Variants in CCDC9 observed in about 807,000 individuals in gnomAD.
CCDC9 encodes coiled-coil domain containing 9.
Under a neutral mutation model 65.6 loss-of-function variants are expected in CCDC9, and 52 were observed. The ratio of observed to expected loss-of-function variants is 0.79; its 90% confidence interval spans 0.63 to 1.00. The LOEUF (loss-of-function observed/expected upper bound fraction) is 1.00. Ranked by LOEUF, CCDC9 falls within the 50% of genes least tolerant of loss-of-function variation. CCDC9 has a pLI of 0.00. For missense variants in CCDC9, 834 were observed against 757.2 expected (o/e 1.10, Z -1.19); for synonymous variants, 332 against 280.3 (o/e 1.18, Z -1.84).
At chr19:47,265,194 A>G (rs1022475381) in intron 7 of CCDC9, among the ~76,000 whole-genome samples, 1 of 152,066 alleles carries the variant, frequency 6.6e-6, no homozygotes. Flanking sequence ...AGCTGGGATT[A>G]CAGGCAAGTG....
chr19:47,268,921 AAAT>A (rs200348472), intron 8 of CCDC9, among the ~76,000 whole-genome samples: 9 of 150,852 alleles, frequency 6.0e-5, no homozygotes, highest in South Asian at 2.1e-4. Context: ...CCGTTTCAAA[AAAT>A]AATAATAATA....
chr19:47,258,286 T>C (rs2302985), intron 1 of CCDC9, 44 bp from the exon 2 acceptor site: 518,365 of 1,070,006 alleles, frequency 0.48, 131,374 homozygotes, highest in African/African-American at 0.69. Context: ...TGAAGTAGGT[T>C]GGGGGGCCAT....
At position 47,266,549 on chromosome 19, in the gene CCDC9, G is replaced by A. The variant is rs563523153; in HGVS notation, c.721-62G>A. 23 of 1,446,132 alleles carry A rather than the reference G, an allele frequency of 1.6e-5. No homozygotes were observed. In the African/African-American group the frequency reaches 2.6e-4, roughly 16 times the overall value. The allele number at this position is 1,446,132 out of a possible 1,614,324, so 89.6% of individuals were successfully genotyped here. A position where few individuals can be genotyped will look rare whatever the true frequency, so the allele number is the denominator to read the frequency against. ...GATCCTGAGCAAGTGGATGTGCCTC[G>A]GGGCTTAGGGGCGGGGTAGGGTGCG... On this transcript the variant is annotated intron_variant, in intron 7 of 11. Transcript: ENST00000221922.
At chr19:47,274,305 A>G (rs1321614660), downstream of CCDC9, 1 of 122,700 alleles carries the variant, frequency 8.1e-6, no homozygotes, top group Non-Finnish European at 1.7e-5. Context: ...AGGCGGAGTT[A>G]GAGCGGGGGG....
downstream of CCDC9, among the ~76,000 whole-genome samples, chr19:47,272,761 G>C (rs1304674241): frequency 3.9e-5 from 6 of 152,170 alleles, no homozygotes; most frequent in South Asian, 2.1e-4. Context: ...GTTCCGAGGT[G>C]CAACCTAGTG....
At chr19:47,260,111 G>T (rs1480345763) in intron 3 of CCDC9, among the ~76,000 whole-genome samples, 1 of 152,194 alleles carries the variant, frequency 6.6e-6, no homozygotes, top group Non-Finnish European at 1.5e-5. Context: ...CACAGGCTGT[G>T]GGGAAGGCTG....
intron 5 of CCDC9, among the ~76,000 whole-genome samples, chr19:47,262,938 T>C (rs2059055373): frequency 6.6e-6 from 1 of 151,742 alleles, no homozygotes; most frequent in Non-Finnish European, 1.5e-5. Context: ...TTTTAAAAAT[T>C]AACTGGACGT....
downstream of CCDC9, among the ~76,000 whole-genome samples, chr19:47,274,250 C>T (rs2059141994): frequency 1.3e-5 from 2 of 150,490 alleles, no homozygotes; most frequent in African/African-American, 4.9e-5. Context: ...AGGCGGGTCC[C>T]GCGGGGGCGG....
At chr19:47,261,977 C>T (rs1157833073) in intron 5 of CCDC9, among the ~76,000 whole-genome samples, 13 of 151,060 alleles carry the variant, frequency 8.6e-5, no homozygotes, top group Non-Finnish European at 1.6e-4. Context: ...GCCGAGATTG[C>T]GCCATTGTAC....
chr19:47,271,251 C>G, intron 11 of CCDC9, 23 bp from the exon 12 acceptor site: 1 of 1,610,750 alleles, frequency 6.2e-7, no homozygotes, highest in African/African-American at 1.3e-5. Context: ...GTGCCTTGCC[C>G]TGACTTGCCT....
At position 47,271,101 on chromosome 19, in the gene CCDC9, G is replaced by A; in HGVS notation, c.1105G>A (p.Glu369Lys). The stretch of plus-strand genomic sequence containing the variant: ...CTCTAGTGACCATGATGACCGCTGG[G>A]AGACAAAAGAAGGGGCAGCATCCCC... ...RAYSDHDDRWETKEGAASPAP... is the reference protein window; with the variant it reads ...RAYSDHDDRWKTKEGAASPAP... Residue 369 changes from glutamate to lysine, a missense_variant, in exon 11 of 12, where the codon GAG becomes AAG. Physicochemically the swap from Glu to Lys is moderately conservative, Grantham distance 56. Coordinates refer to ENST00000221922, the MANE Select transcript of CCDC9 (RefSeq NM_015603.3). 1 of 1,559,926 alleles carries A rather than the reference G, an allele frequency of 6.4e-7. No individual in the cohort carries two copies. Among genetic ancestry groups the A allele is most frequent in the Non-Finnish European group, 8.7e-7 (1 of 1,153,672 alleles).
In CCDC9 at chr19:47,271,903, C is replaced by T; in HGVS notation, c.*225C>T. 1 of 1,314,702 alleles carries T rather than the reference C, an allele frequency of 7.6e-7. No homozygotes were observed. The highest frequency in any genetic ancestry group is 9.7e-7 in the Non-Finnish European group (1 of 1,034,476). The allele number at this position is 1,314,702 out of a possible 1,614,324, so 81.4% of individuals were successfully genotyped here. ...TCTCTGGAATGTCCACTCCCAGAGC[C>T]TGCCCCAGCCCTTCGAGCCCCCTCC... On this transcript the variant is annotated 3_prime_UTR_variant, in exon 12 of 12. Transcript: ENST00000221922.
chr19:47,274,887 G>C (rs2059146685), downstream of CCDC9: 1 of 1,252,654 alleles, frequency 8.0e-7, no homozygotes, highest in Non-Finnish European at 9.9e-7. Context: ...GGGCCTGTGC[G>C]GTCTGCGGCG....
At chr19:47,257,666 G>A (rs1217754913) in intron 1 of CCDC9, 1 of 153,174 alleles carries the variant, frequency 6.5e-6, no homozygotes, top group Non-Finnish European at 1.5e-5. Flanking sequence ...TGAGTTCTGG[G>A]CCTGTGTACA....
chr19:47,266,094 C>A (rs2059080733), intron 7 of CCDC9, among the ~76,000 whole-genome samples: 1 of 139,906 alleles, frequency 7.1e-6, no homozygotes, highest in African/African-American at 2.8e-5. Flanking sequence ...CTCCTGGGTT[C>A]ATGCCAGTCT....
At chr19:47,274,053 G>C (rs2059141034), downstream of CCDC9, 1 of 857,018 alleles carries the variant, frequency 1.2e-6, no homozygotes, top group East Asian at 1.2e-4. Context: ...GGGTTTATCT[G>C]GATTTCCAGG....
At chr19:47,275,287 G>A (rs1347529967), downstream of CCDC9, 2 of 1,545,872 alleles carry the variant, frequency 1.3e-6, no homozygotes, top group East Asian at 2.5e-5. Context: ...CCTGACCGCC[G>A]TCCGAGCCGC....
intron 1 of CCDC9, among the ~76,000 whole-genome samples, chr19:47,257,039 G>C (rs1408309204): frequency 6.7e-6 from 1 of 149,758 alleles, no homozygotes; most frequent in South Asian, 2.1e-4. Flanking sequence ...ACAATGTAGT[G>C]GGGGAGCCAG....
Position 47,271,142 on chromosome 19 carries a change from A to G in CCDC9, c.1146A>G (p.Pro382=), listed in dbSNP as rs987656200. Residue 382 remains proline, a synonymous_variant, in exon 11 of 12, where the codon CCA becomes CCG. Coordinates refer to ENST00000221922, the MANE Select transcript of CCDC9 (RefSeq NM_015603.3). ...EGAASPAPET[P]QPTSPETSPK... is the part of the protein sequence containing the mutation. Reference sequence around the variant, plus strand: ...CAGCATCCCCAGCCCCTGAGACTCCACAGCCTACTTCCCCCGAGACTTCCC... The same window carrying G: ...CAGCATCCCCAGCCCCTGAGACTCCGCAGCCTACTTCCCCCGAGACTTCCC... The G allele has an allele frequency of 3.1e-5, 50 of 1,587,416 alleles. No homozygotes were observed. The highest frequency in any genetic ancestry group is 4.0e-5 in the Non-Finnish European group (47 of 1,168,738).
Sources: allele counts gnomAD v4.1 joint callset (sites outside exome capture counted in the v4.1 genomes callset), GRCh38; gene constraint gnomAD v4.1.1; transcripts MANE v1.5; gene names NCBI Gene and HGNC (gene_info 2026-07-23, HGNC 2026-07-21).